Variants in SLC2A13 observed in about 807,000 individuals in gnomAD.
The protein encoded by SLC2A13 is solute carrier family 2 member 13.
A neutral mutation model predicts 64.4 loss-of-function variants in SLC2A13; 32 were observed. The ratio of observed to expected loss-of-function variants is 0.50; its 90% CI spans 0.37 to 0.67. The LOEUF (loss-of-function observed/expected upper bound fraction) is 0.67. Among genes scored for constraint, SLC2A13 ranks in the 30% least tolerant of loss-of-function variants. The pLI is 0.00. For missense variants in SLC2A13, 743 were observed against 829.2 expected (o/e 0.90, Z 1.28); for synonymous variants, 338 against 327.1 (o/e 1.03, Z -0.36).
rs767738927 is a variant in SLC2A13 at position 40,105,511 on chromosome 12, C to T, written c.298G>A (p.Gly100Arg). 15 of 1,581,028 alleles carry T rather than the reference C, an allele frequency of 9.5e-6. No homozygotes were observed. The highest frequency in any genetic ancestry group is 1.2e-5 in the Non-Finnish European group (14 of 1,165,806). Residue 100 changes from glycine to arginine, a missense_variant, in exon 1 of 10, where the codon GGG becomes AGG. This residue lies in a region of SLC2A13 where 448 missense variants were observed against 447.4 expected (regional missense o/e 1.00). Transcript: ENST00000280871. This position sits in a 1 kb window ranked among gnomAD's most constrained non-coding sequence, Gnocchi z 4.2. ...AGCAGCATGGCCCCTGACACCACCC[C>T]GGTGTCATAGCCAAACAGGAAGCCG... is the stretch of plus-strand genomic sequence containing the variant. ...LGGFLFGYDTGVVSGAMLLLK... is the reference protein window; with the variant it reads ...LGGFLFGYDTRVVSGAMLLLK...
At chr12:40,020,138 TTTCTTTGA>T in intron 3 of SLC2A13, among the ~76,000 whole-genome samples, 1 of 151,654 alleles carries the variant, frequency 6.6e-6, no homozygotes, top group East Asian at 1.9e-4. Flanking sequence ...AAAAATAAGG[TTTCTTTGA>T]TTTTTTAAGA....
At chr12:39,945,071 T>C (rs1946111943) in intron 4 of SLC2A13, among the ~76,000 whole-genome samples, 1 of 152,230 alleles carries the variant, frequency 6.6e-6, no homozygotes, top group Non-Finnish European at 1.5e-5. Context: ...ACAAATTCTC[T>C]CAGCATTTGT....
intron 1 of SLC2A13, among the ~76,000 whole-genome samples, chr12:40,094,913 GA>G (rs1451734151): frequency 3.9e-5 from 6 of 152,202 alleles, no homozygotes; most frequent in Admixed American, 3.9e-4. Flanking sequence ...TTCATCTATA[GA>G]AACAGGAAGA....
In SLC2A13 at chr12:39,949,815, A is replaced by C. The variant is rs1005395795; in HGVS notation, c.1034+1442T>G. The C allele has an allele frequency of 3.3e-5, 5 of 152,222 alleles. 1 individual carries two copies. The highest frequency in any genetic ancestry group is 7.3e-5 in the Non-Finnish European group (5 of 68,044). The allele number at this position is 152,222 out of a possible 1,614,324, so 9.4% of individuals were successfully genotyped here. On this transcript the variant is annotated intron_variant, in intron 4 of 9. Coordinates refer to ENST00000280871, the MANE Select transcript of SLC2A13 (RefSeq NM_052885.4). ...CGAATTCACATAGGATTATTAATGG[A>C]TTTAATTATTTGATGCTTGGTCCTA...
intron 4 of SLC2A13, chr12:39,907,870 A>G (rs146570992): frequency 1.3e-5 from 2 of 152,248 alleles, no homozygotes; most frequent in Non-Finnish European, 2.9e-5. Flanking sequence ...TACTGGAAAG[A>G]GAATGGAGCC....
chr12:39,979,834 T>TA (rs1419487425), intron 3 of SLC2A13, among the ~76,000 whole-genome samples: 7 of 122,166 alleles, frequency 5.7e-5, no homozygotes, highest in Non-Finnish European at 1.0e-4. Context: ...GCCACAAAGA[T>TA]ACTCCTCGAG....
At chr12:39,835,859 A>G (rs1298853077) in intron 6 of SLC2A13, 1 of 152,146 alleles carries the variant, frequency 6.6e-6, no homozygotes, top group African/African-American at 2.4e-5. Flanking sequence ...TGACGTAAAT[A>G]TATTAGTCAT....
intron 4 of SLC2A13, chr12:39,907,901 C>A (rs1426351250): frequency 2.0e-5 from 3 of 151,214 alleles, no homozygotes; most frequent in African/African-American, 7.4e-5. Flanking sequence ...TGCTCCCAAC[C>A]CACCCATTCT....
At chr12:40,023,703 G>A (rs1947758764) in intron 3 of SLC2A13, among the ~76,000 whole-genome samples, 1 of 152,152 alleles carries the variant, frequency 6.6e-6, no homozygotes, top group Non-Finnish European at 1.5e-5. Flanking sequence ...CTCATCTCTA[G>A]TGACATGGAC....
At chr12:39,947,173 A>G (rs1434976318) in intron 4 of SLC2A13, among the ~76,000 whole-genome samples, 2 of 152,246 alleles carry the variant, frequency 1.3e-5, no homozygotes, top group African/African-American at 4.8e-5. Context: ...TTACTCTGCA[A>G]GGAGAGTGGC....
At chr12:40,074,575 T>A (rs1011028007) in intron 1 of SLC2A13, among the ~76,000 whole-genome samples, 3 of 152,184 alleles carry the variant, frequency 2.0e-5, no homozygotes, top group Admixed American at 6.5e-5. Flanking sequence ...TTGCAAGCTA[T>A]TTTATCCATT....
At chr12:39,928,700 A>T (rs1276877674) in intron 4 of SLC2A13, among the ~76,000 whole-genome samples, 1 of 152,204 alleles carries the variant, frequency 6.6e-6, no homozygotes, top group African/African-American at 2.4e-5. Flanking sequence ...TAAAGTAATT[A>T]AAGTTTGTAT....
chr12:40,028,570 A>G, intron 2 of SLC2A13, 61 bp from the exon 3 acceptor site: 1 of 1,533,764 alleles, frequency 6.5e-7, no homozygotes, highest in Non-Finnish European at 8.9e-7. Flanking sequence ...TGTGCTCACC[A>G]CATACTTTTG....
intron 7 of SLC2A13, among the ~76,000 whole-genome samples, chr12:39,772,733 T>C (rs1344060535): frequency 6.6e-6 from 1 of 152,216 alleles, no homozygotes; most frequent in African/African-American, 2.4e-5. Context: ...TTTTCGTTAT[T>C]ATCACAGTTC....
chr12:39,929,010 T>C (rs1228363985), intron 4 of SLC2A13, among the ~76,000 whole-genome samples: 1 of 152,090 alleles, frequency 6.6e-6, no homozygotes, highest in Non-Finnish European at 1.5e-5. Context: ...GACAGAGGTG[T>C]CCTGTCCAGA....
chr12:39,915,712 G>C (rs1046161128), intron 4 of SLC2A13, among the ~76,000 whole-genome samples: 10 of 151,684 alleles, frequency 6.6e-5, no homozygotes, highest in African/African-American at 2.2e-4. Flanking sequence ...AAAATATCAA[G>C]ACCAAGCTGG....
intron 4 of SLC2A13, among the ~76,000 whole-genome samples, chr12:39,912,340 A>G (rs1223651486): frequency 6.6e-6 from 1 of 152,058 alleles, no homozygotes; most frequent in African/African-American, 2.4e-5. Context: ...AGGACTATCA[A>G]TTCTGGACAA....
At chr12:39,900,212 T>G (rs1465007332) in intron 4 of SLC2A13, among the ~76,000 whole-genome samples, 1 of 152,126 alleles carries the variant, frequency 6.6e-6, no homozygotes, top group Non-Finnish European at 1.5e-5. Flanking sequence ...GAGCTATCTA[T>G]GACAACCCCA....
intron 3 of SLC2A13, among the ~76,000 whole-genome samples, chr12:39,980,566 A>C (rs1354601127): frequency 1.3e-5 from 2 of 151,704 alleles, no homozygotes; most frequent in Non-Finnish European, 2.9e-5. Flanking sequence ...AAAGATCAAA[A>C]GAGACAAAGA....
Sources: allele counts gnomAD v4.1 joint callset (sites outside exome capture counted in the v4.1 genomes callset), GRCh38; gene constraint gnomAD v4.1.1; regional missense constraint gnomAD v4.1.1; non-coding constraint Gnocchi (gnomAD v3.1); transcripts MANE v1.5; gene names NCBI Gene and HGNC (gene_info 2026-07-23, HGNC 2026-07-21).